The following SPMIP3 variants were observed in gnomAD, a reference collection of about 807,000 sequenced individuals.
SPMIP3 encodes protein SPMIP3.
chr1:244,373,691 C>A, the SPMIP3 span, among the ~76,000 whole-genome samples: 11 of 151,488 alleles, frequency 7.3e-5, no homozygotes, highest in Non-Finnish European at 1.3e-4. Context: ...TAGGTTGGTG[C>A]AAAAGTAATT....
chr1:244,359,392 G>C, the SPMIP3 span, among the ~76,000 whole-genome samples: 1 of 152,124 alleles, frequency 6.6e-6, no homozygotes, highest in African/African-American at 2.4e-5. Context: ...TATATAAAAA[G>C]CTTAAACAAT....
the SPMIP3 span, chr1:244,389,246 G>C: frequency 2.0e-6 from 1 of 509,458 alleles, no homozygotes; most frequent in South Asian, 2.3e-5. Flanking sequence ...AGGGAATCAA[G>C]ATCTATCCTT....
At chr1:244,388,965 T>G in the SPMIP3 span, 1 of 1,613,492 alleles carries the variant, frequency 6.2e-7, no homozygotes, top group Non-Finnish European at 8.5e-7. Context: ...GAACCAGAAA[T>G]TAGCCACAGT....
the SPMIP3 span, among the ~76,000 whole-genome samples, chr1:244,385,594 A>G: frequency 1.3e-5 from 2 of 152,134 alleles, no homozygotes; most frequent in African/African-American, 4.8e-5. Flanking sequence ...AGGCTCTCTG[A>G]CCCTCAATAT....
the SPMIP3 span, among the ~76,000 whole-genome samples, chr1:244,367,019 G>A: frequency 6.6e-6 from 1 of 152,210 alleles, no homozygotes; most frequent in Non-Finnish European, 1.5e-5. Flanking sequence ...GGGTGTTCAG[G>A]GAACAGCTCT....
chr1:244,375,522 A>G, the SPMIP3 span: 7 of 1,449,364 alleles, frequency 4.8e-6, no homozygotes, highest in Non-Finnish European at 6.8e-6. Flanking sequence ...CTACAATGAT[A>G]AAAAGGGGTC....
the SPMIP3 span, among the ~76,000 whole-genome samples, chr1:244,373,982 AG>A: frequency 6.6e-6 from 1 of 152,010 alleles, no homozygotes; most frequent in Non-Finnish European, 1.5e-5. Flanking sequence ...GTGTGGTGGC[AG>A]GCACCTGTAA....
the SPMIP3 span, among the ~76,000 whole-genome samples, chr1:244,357,664 T>C: frequency 2.3e-5 from 3 of 131,652 alleles, no homozygotes; most frequent in African/African-American, 5.8e-5. Context: ...AGCCAAGATG[T>C]GCCACTGCAC....
At chr1:244,389,658 A>G in the SPMIP3 span, 1 of 152,002 alleles carries the variant, frequency 6.6e-6, no homozygotes, top group East Asian at 1.9e-4. Flanking sequence ...CCCAAAGGAA[A>G]AAAACCTTAC....
the SPMIP3 span, among the ~76,000 whole-genome samples, chr1:244,371,665 C>CAA: frequency 6.6e-6 from 1 of 152,136 alleles, no homozygotes; most frequent in African/African-American, 2.4e-5. Flanking sequence ...TGTTTGTATG[C>CAA]ACGCCATGGT....
chr1:244,387,933 T>C, the SPMIP3 span, among the ~76,000 whole-genome samples: 1 of 152,042 alleles, frequency 6.6e-6, no homozygotes, highest in Admixed American at 6.5e-5. Flanking sequence ...CTCTTTTTTT[T>C]TTTTTATTTT....
chr1:244,370,033 T>C, the SPMIP3 span, among the ~76,000 whole-genome samples: 2 of 152,160 alleles, frequency 1.3e-5, no homozygotes, highest in African/African-American at 2.4e-5. Context: ...GCAGCATGAT[T>C]TTACAGGCTA....
chr1:244,375,617 C>G, the SPMIP3 span: 1 of 512,706 alleles, frequency 2.0e-6, no homozygotes, highest in East Asian at 3.2e-5. Context: ...GAAAATATAC[C>G]AAACTGTTAA....
the SPMIP3 span, chr1:244,375,330 G>GT: frequency 6.7e-7 from 1 of 1,493,398 alleles, no homozygotes; most frequent in East Asian, 2.3e-5. Context: ...TGAACTAATT[G>GT]TAAGAATGGC....
chr1:244,378,784 G>C, the SPMIP3 span: 1 of 896,920 alleles, frequency 1.1e-6, no homozygotes, highest in Non-Finnish European at 1.7e-6. Context: ...GTGTTTCTGG[G>C]GTGCAGGAAG....
the SPMIP3 span, among the ~76,000 whole-genome samples, chr1:244,367,269 G>A: frequency 6.6e-6 from 1 of 152,126 alleles, no homozygotes; most frequent in Non-Finnish European, 1.5e-5. Context: ...ACATGCAATG[G>A]GTTGAAGGGT....
the SPMIP3 span, among the ~76,000 whole-genome samples, chr1:244,354,944 C>G: frequency 1.3e-5 from 2 of 152,186 alleles, no homozygotes; most frequent in Non-Finnish European, 2.9e-5. Flanking sequence ...TTGTGTGGCT[C>G]TATGATTAAT....
chr1:244,358,117 C>T, the SPMIP3 span, among the ~76,000 whole-genome samples: 2 of 151,832 alleles, frequency 1.3e-5, no homozygotes, highest in Admixed American at 1.3e-4. Context: ...GTAATCCCAG[C>T]TGCTCGGGAG....
the SPMIP3 span, among the ~76,000 whole-genome samples, chr1:244,370,846 T>A: frequency 1.3e-5 from 2 of 152,278 alleles, no homozygotes; most frequent in South Asian, 4.2e-4. Flanking sequence ...CTTTACTACT[T>A]AAAAAGTCCA....
Sources: allele counts gnomAD v4.1 joint callset (sites outside exome capture counted in the v4.1 genomes callset), GRCh38; gene constraint gnomAD v4.1.1; transcripts MANE v1.5; gene names NCBI Gene and HGNC (gene_info 2026-07-23, HGNC 2026-07-21).